RIF1: variants seen among roughly 807,000 people sequenced by gnomAD.
RIF1 encodes telomere-associated protein RIF1.
A neutral mutation model predicts 247.1 loss-of-function variants in RIF1; 45 were observed. That is an observed-to-expected ratio of 0.18 (90% CI 0.14 to 0.23). The LOEUF (loss-of-function observed/expected upper bound fraction) is 0.23, where lower values mean the gene tolerates loss of function less well. Among genes scored for constraint, RIF1 ranks in the 10% least tolerant of loss-of-function variants. The probability of loss-of-function intolerance (pLI) is 1.00; values close to 1 mark genes in which losing one functional copy is unlikely to be tolerated. For synonymous variants in RIF1, 1,087 were observed against 978.8 expected, an observed-to-expected ratio of 1.11 and a Z score of -2.06; for missense variants, 2,967 against 2,862.5, an observed-to-expected ratio of 1.04 and a Z score of -0.83.
At chr2:151,440,151 G>T in intron 15 of RIF1, 24 bp downstream of exon 15, 1 of 1,252,020 alleles carries the variant, frequency 8.0e-7, no homozygotes, top group South Asian at 1.3e-5. Flanking sequence ...CCGTATGTTG[G>T]ACTTTAAAAA....
intron 12 of RIF1, chr2:151,503,248 C>T (rs3213817): frequency 0.016 from 13,552 of 854,500 alleles, 652 homozygotes; most frequent in East Asian, 0.14. Flanking sequence ...CACAGACACA[C>T]ACAGAATTGC....
At chr2:151,514,693 CAT>C in the RIF1 span, 1 of 713,888 alleles carries the variant, frequency 1.4e-6, no homozygotes, top group Non-Finnish European at 2.3e-6. Context: ...GTACCAAGCA[CAT>C]GAGAACCCAA....
At position 151,463,370 on chromosome 2, in the gene RIF1, A is replaced by G; in HGVS notation, c.3850A>G (p.Thr1284Ala). ...TGATTCTGAAAAAATAGTGAATGGAACTAAGAGATCAAGCCGGAGAGCTGG... is the reference window on the plus strand; with the variant it reads ...TGATTCTGAAAAAATAGTGAATGGAGCTAAGAGATCAAGCCGGAGAGCTGG... Reference protein sequence around the residue: ...KSDSEKIVNGTKRSSRRAGKA... With the variant: ...KSDSEKIVNGAKRSSRRAGKA... The change falls in exon 30 of 36, where the codon ACT becomes GCT. Residue 1284 changes from threonine (T) to alanine (A), a missense_variant. By Grantham distance (58) the Thr-to-Ala change is moderately conservative. Coordinates refer to ENST00000444746, the MANE Select transcript of RIF1 (RefSeq NM_018151.5). The G allele has an allele frequency of 1.9e-6, 3 of 1,614,046 alleles. No individual in the cohort carries two copies. Among genetic ancestry groups the G allele is most frequent in the Non-Finnish European group, 2.5e-6 (3 of 1,179,998 alleles).
At chr2:151,494,764 T>A (rs1301910029) in intron 9 of RIF1, among the ~76,000 whole-genome samples, 1 of 152,204 alleles carries the variant, frequency 6.6e-6, no homozygotes, top group East Asian at 1.9e-4. Flanking sequence ...TTCTTCTGCC[T>A]CAGCCTCCTG....
intron 9 of RIF1, chr2:151,490,545 G>A: frequency 6.2e-7 from 1 of 1,602,724 alleles, no homozygotes; most frequent in Non-Finnish European, 8.5e-7. Context: ...TGGGGGAGAT[G>A]TAGCAAACAT....
intron 8 of RIF1, 33 bp downstream of exon 8, chr2:151,423,075 T>C: frequency 8.9e-7 from 1 of 1,129,930 alleles, no homozygotes; most frequent in Non-Finnish European, 1.3e-6. Context: ...GTCAACAGTT[T>C]TTACATGCTG....
chr2:151,516,661 G>A, the RIF1 span: 9 of 804,004 alleles, frequency 1.1e-5, no homozygotes, highest in African/African-American at 1.5e-4. Flanking sequence ...CTGTCAATTG[G>A]ATGGCATCTC....
chr2:151,529,531 A>G, the RIF1 span, among the ~76,000 whole-genome samples: 1 of 143,440 alleles, frequency 7.0e-6, no homozygotes, highest in African/African-American at 2.5e-5. Context: ...GTGTTGCCAT[A>G]TAATTTTTTT....
At chr2:151,472,526 T>C (rs1041655391) in intron 34 of RIF1, among the ~76,000 whole-genome samples, 13 of 152,224 alleles carry the variant, frequency 8.5e-5, no homozygotes, top group East Asian at 1.9e-4. Flanking sequence ...ATAGCTCTTA[T>C]TATTTTGAGA....
intron 18 of RIF1, 90 bp from the exon 19 acceptor site, chr2:151,445,248 T>A (rs1558980852): frequency 1.3e-6 from 1 of 778,018 alleles, no homozygotes; most frequent in Non-Finnish European, 2.3e-6. Flanking sequence ...GGAACACAGT[T>A]TTGCCCACTA....
chr2:151,513,674 A>C, the RIF1 span: 2 of 1,604,126 alleles, frequency 1.2e-6, no homozygotes, highest in Non-Finnish European at 1.7e-6. Flanking sequence ...TTCCAGTTCC[A>C]GGTCTCGCTT....
downstream of RIF1, among the ~76,000 whole-genome samples, chr2:151,510,902 A>G (rs1196030740): frequency 6.6e-6 from 1 of 152,258 alleles, no homozygotes; most frequent in Non-Finnish European, 1.5e-5. Context: ...AGTTATAAAT[A>G]CAGATTCTCC....
At chr2:151,494,388 A>G in intron 9 of RIF1, 1 of 637,336 alleles carries the variant, frequency 1.6e-6, no homozygotes, top group Non-Finnish European at 2.7e-6. Context: ...GATGGAAAGT[A>G]GTATGTTTCC....
chr2:151,494,198 A>G (rs2058601410), intron 9 of RIF1: 2 of 1,608,472 alleles, frequency 1.2e-6, no homozygotes, highest in African/African-American at 1.3e-5. Flanking sequence ...GACTCTCTGC[A>G]TCTCAGGAGT....
At chr2:151,445,493 A>G in intron 19 of RIF1, 48 bp downstream of exon 19, 2 of 950,264 alleles carry the variant, frequency 2.1e-6, no homozygotes, top group Non-Finnish European at 1.7e-6. Context: ...TATTTTTCTG[A>G]AAATATTATT....
chr2:151,490,535 TGGG>T (rs1380099798), intron 9 of RIF1: 1 of 1,605,570 alleles, frequency 6.2e-7, no homozygotes, highest in Admixed American at 1.7e-5. Context: ...GAGATGCAGT[TGGG>T]GGAGATGTAG....
intron 10 of RIF1, chr2:151,498,011 G>T (rs1282177069): frequency 1.4e-6 from 2 of 1,436,666 alleles, no homozygotes; most frequent in Non-Finnish European, 1.8e-6. Context: ...GAGACTGTTA[G>T]AACTCGGTGT....
intron 10 of RIF1, 23 bp from the exon 11 acceptor site, chr2:151,435,440 C>T (rs1172068324): frequency 7.7e-6 from 10 of 1,296,278 alleles, no homozygotes; most frequent in East Asian, 2.3e-5. Context: ...GTTTATAGAT[C>T]GATGTTTTCT....
chr2:151,533,618 A>G, the RIF1 span: 1 of 953,696 alleles, frequency 1.0e-6, no homozygotes, highest in Non-Finnish European at 1.6e-6. Context: ...TCTATATCCC[A>G]ATCACCTCTG....
Sources: gnomAD v4.1 joint callset for allele counts (sites outside exome capture counted in the v4.1 genomes callset) on GRCh38, gnomAD v4.1.1 for gene constraint, MANE v1.5 for transcripts, NCBI Gene and HGNC (gene_info 2026-07-23, HGNC 2026-07-21) for gene names.